ALOX15B: variants seen among roughly 807,000 people sequenced by gnomAD.
The protein encoded by ALOX15B is polyunsaturated fatty acid lipoxygenase ALOX15B.
Under a neutral mutation model 73.8 loss-of-function variants are expected in ALOX15B, and 74 were observed. The ratio of observed to expected loss-of-function variants is 1.00; its 90% CI spans 0.83 to 1.22. The LOEUF (loss-of-function observed/expected upper bound fraction) is 1.22. ALOX15B is among the 50% of genes most tolerant of loss of function. ALOX15B has a pLI of 0.00. For missense variants in ALOX15B, 896 were observed against 859.9 expected, an observed-to-expected ratio of 1.04 and a Z score of -0.52; for synonymous variants, 353 against 357.2, an observed-to-expected ratio of 0.99 and a Z score of 0.13.
At position 8,044,961 on chromosome 17, in the gene ALOX15B, C is replaced by T; in HGVS notation, c.809C>T (p.Ser270Leu). The change falls in exon 6 of 14, where the codon TCA becomes TTA. Residue 270 changes from serine to leucine, a missense_variant. Physicochemically the swap from Ser to Leu is moderately radical, Grantham distance 145. Transcript: ENST00000380183. ...CCCGTCACTGATGCCATGGTGGCCT[C>T]AGTGTTGGGTCCTGGGACCAGCTTG... ...NFPVTDAMVA[S>L]VLGPGTSLQA... The T allele has an allele frequency of 6.2e-7, 1 of 1,614,144 alleles. No individual in the cohort carries two copies. Among genetic ancestry groups the T allele is most frequent in the Non-Finnish European group, 8.5e-7 (1 of 1,180,040 alleles).
chr17:8,042,561 T>G, intron 4 of ALOX15B, 70 bp downstream of exon 4: 2 of 1,573,802 alleles, frequency 1.3e-6, no homozygotes, highest in South Asian at 2.3e-5. Flanking sequence ...TGCCCTCCCC[T>G]AGTCAGTTCC....
chr17:8,039,480 C>A lies in ALOX15B; in HGVS notation c.242C>A (p.Pro81His), dbSNP rs754978762. The change falls in exon 2 of 14, where the codon CCC becomes CAC. Residue 81 changes from proline to histidine, a missense_variant. Coordinates refer to ENST00000380183, the MANE Select transcript of ALOX15B (RefSeq NM_001141.3). ...KAPPVLPLLG[P>H]LAPDAWFCRW... Reference sequence around the variant, plus strand: ...CCCCCAGTGCTGCCCCTGCTGGGGCCCCTGGCCCCGGATGCCTGGTTCTGC... The same window carrying A: ...CCCCCAGTGCTGCCCCTGCTGGGGCACCTGGCCCCGGATGCCTGGTTCTGC... 17 of 1,591,282 alleles carry A rather than the reference C, an allele frequency of 1.1e-5. No individual in the cohort carries two copies. The highest frequency in any genetic ancestry group is 1.3e-5 in the Non-Finnish European group (15 of 1,170,758).
At chr17:8,043,374 G>T (rs1976513447) in intron 5 of ALOX15B, among the ~76,000 whole-genome samples, 2 of 152,150 alleles carry the variant, frequency 1.3e-5, no homozygotes, top group African/African-American at 2.4e-5. Context: ...AGCAGTTCGG[G>T]GAACAGTGAG....
intron 8 of ALOX15B, among the ~76,000 whole-genome samples, chr17:8,046,313 G>A (rs912425902): frequency 1.3e-5 from 2 of 152,206 alleles, no homozygotes; most frequent in African/African-American, 2.4e-5. Flanking sequence ...TCTGGTGGAC[G>A]GCTCCACATT....
rs1393988678 is a variant in ALOX15B, at chr17:8,048,537, C to T, written c.2003C>T (p.Pro668Leu). 2 of 1,613,934 alleles carry T rather than the reference C, an allele frequency of 1.2e-6. No homozygotes were observed. The highest frequency in any genetic ancestry group is 1.7e-6 in the Non-Finnish European group (2 of 1,179,878). The stretch of plus-strand genomic sequence containing the variant: ...CTGCCCTACACCTACCTAGACCCTC[C>T]CCTCATCGAGAACAGCGTCTCCATC... ...LVLPYTYLDP[P>L]LIENSVSI The change falls in exon 14 of 14, where the codon CCC becomes CTC. Residue 668 changes from proline to leucine, a missense_variant. Coordinates refer to ENST00000380183, the MANE Select transcript of ALOX15B (RefSeq NM_001141.3).
At position 8,039,359 on chromosome 17, in the gene ALOX15B, C is replaced by G. The variant is rs777996045; in HGVS notation, c.148-27C>G. 7.5e-6 allele frequency: 12 copies of G among 1,603,514 alleles called. No homozygotes were observed. In the East Asian group the frequency reaches 2.5e-4, roughly 33 times the overall value. On this transcript the variant is annotated intron_variant, in intron 1 of 13. Coordinates refer to ENST00000380183, the MANE Select transcript of ALOX15B (RefSeq NM_001141.3). ...GAAGGGGGCGAGCAGGAGGGTCCGG[C>G]CTGACGCATACTTAACCTCCCCTCA...
In ALOX15B at chr17:8,047,329, C is replaced by A. The variant is rs776991525; in HGVS notation, c.1529C>A (p.Ala510Asp). The change falls in exon 11 of 14, where the codon GCC becomes GAC. Residue 510 changes from alanine (A) to aspartate (D), a missense_variant. Ala to Asp is a moderately radical substitution (Grantham distance 126, BLOSUM62 -2). Coordinates refer to ENST00000380183, the MANE Select transcript of ALOX15B (RefSeq NM_001141.3). ...GTCCAAGATGACAGAGAGCTCCAGG[C>A]CTGGGTCAGAGAGATCTTCTCCAAG... is the stretch of plus-strand genomic sequence containing the variant. ...ESVQDDRELQ[A>D]WVREIFSKGF... The A allele has an allele frequency of 2.1e-5, 34 of 1,613,968 alleles. No homozygotes were observed. Among genetic ancestry groups the A allele is most frequent in the Admixed American group, 6.7e-5 (4 of 60,002 alleles).
intron 13 of ALOX15B, among the ~76,000 whole-genome samples, 178 bp downstream of exon 13, chr17:8,048,093 C>T (rs977869979): frequency 6.6e-6 from 1 of 152,156 alleles, no homozygotes; most frequent in African/African-American, 2.4e-5. Context: ...TGGCCAAATG[C>T]GATGATGCGG....
At chr17:8,041,948 T>G (rs1448193794) in intron 3 of ALOX15B, among the ~76,000 whole-genome samples, 1 of 152,162 alleles carries the variant, frequency 6.6e-6, no homozygotes, top group Non-Finnish European at 1.5e-5. Context: ...AGAAAAAAAG[T>G]TTGTCGGCCA....
chr17:8,046,126 C>T (rs1018272607), intron 8 of ALOX15B, among the ~76,000 whole-genome samples: 1 of 152,340 alleles, frequency 6.6e-6, no homozygotes, highest in African/African-American at 2.4e-5. Context: ...GAGGCATCTC[C>T]TCTGTGAAGG....
In ALOX15B at chr17:8,044,465, A is replaced by C. The variant is rs558016378; in HGVS notation, c.677-364A>C. Among the ~76,000 whole-genome samples the C allele has an allele frequency of 2.1e-4, 31 of 150,908 alleles. No homozygotes were observed. The East Asian group carries it at 6.0e-3, about 29-fold the overall frequency. On this transcript the variant is annotated intron_variant, in intron 5 of 13. Coordinates refer to ENST00000380183, the MANE Select transcript of ALOX15B (RefSeq NM_001141.3). ...AAGGAAAGAAAAAGAAAGGGTCCCGAGTCTCCTCTGTAGGCAACTGGGTGG... is the reference window on the plus strand; with the variant it reads ...AAGGAAAGAAAAAGAAAGGGTCCCGCGTCTCCTCTGTAGGCAACTGGGTGG...
chr17:8,047,861 C>T lies in ALOX15B; in HGVS notation c.1797C>T (p.Ala599=). 6.2e-7 allele frequency: 1 copy of T among 1,614,196 alleles called. No homozygotes were observed. The highest frequency in any genetic ancestry group is 8.5e-7 in the Non-Finnish European group (1 of 1,180,040). Residue 599 remains alanine (A), a synonymous_variant, in exon 13 of 14, where the codon GCC becomes GCT. Transcript: ENST00000380183. Reference sequence around the variant, plus strand: ...TAGCCACCCTCCCACCTGTCAATGCCACATGTGATGTCATCCTTGCTCTCT... The same window carrying T: ...TAGCCACCCTCCCACCTGTCAATGCTACATGTGATGTCATCCTTGCTCTCT... ...GFIATLPPVN[A]TCDVILALWL...
At chr17:8,042,969 C>T in intron 5 of ALOX15B, 85 bp downstream of exon 5, 1 of 1,134,912 alleles carries the variant, frequency 8.8e-7, no homozygotes, top group East Asian at 2.6e-5. Context: ...AACCAAGCAC[C>T]AATTTGCTAT....
At chr17:8,040,436 A>G (rs144062805) in intron 3 of ALOX15B, among the ~76,000 whole-genome samples, 1 of 151,370 alleles carries the variant, frequency 6.6e-6, no homozygotes. Context: ...TCTCAGCTAC[A>G]TGGGAGGCTG....
rs533126418 is a variant in ALOX15B, at chr17:8,044,833, C to T, written c.681C>T (p.His227=). ...FNFRRTPAAE[H]AFEHWQEDAF... ...CCTGTCCCCCACCCCCTGCAGAGCACGCATTTGAGCACTGGCAGGAGGACG... is the reference window on the plus strand; with the variant it reads ...CCTGTCCCCCACCCCCTGCAGAGCATGCATTTGAGCACTGGCAGGAGGACG... Residue 227 remains histidine (H), a synonymous_variant, in exon 6 of 14, where the codon CAC becomes CAT. Transcript: ENST00000380183. 12 of 1,609,740 alleles carry T rather than the reference C, an allele frequency of 7.5e-6. No homozygotes were observed. Among genetic ancestry groups the T allele is most frequent in the South Asian group, 3.3e-5 (3 of 90,976 alleles).
Position 8,048,534 on chromosome 17 carries a change from C to T in ALOX15B, c.2000C>T (p.Pro667Leu). 6.2e-7 allele frequency: 1 copy of T among 1,613,964 alleles called. No individual in the cohort carries two copies. Residue 667 changes from proline (P) to leucine (L), a missense_variant, in exon 14 of 14, where the codon CCT becomes CTT. By Grantham distance (98) the Pro-to-Leu change is moderately conservative. Coordinates refer to ENST00000380183, the MANE Select transcript of ALOX15B (RefSeq NM_001141.3). The stretch of plus-strand genomic sequence containing the variant: ...GTGCTGCCCTACACCTACCTAGACC[C>T]TCCCCTCATCGAGAACAGCGTCTCC... The part of the protein sequence containing the change: ...GLVLPYTYLD[P>L]PLIENSVSI
At position 8,042,902 on chromosome 17, in the gene ALOX15B, G is replaced by A. The variant is rs751250458; in HGVS notation, c.676+18G>A. The A allele has an allele frequency of 4.5e-5, 70 of 1,543,176 alleles. No homozygotes were observed. Among genetic ancestry groups the A allele is most frequent in the South Asian group, 2.9e-4 (24 of 83,880 alleles). On this transcript the variant is annotated intron_variant, in intron 5 of 13. Transcript: ENST00000380183. Reference sequence around the variant, plus strand: ...AGCAGCTGGTGAGGAGCTTGGGCCAGGGATCCTGACCTCTTTCCTGGGGCA... The same window carrying A: ...AGCAGCTGGTGAGGAGCTTGGGCCAAGGATCCTGACCTCTTTCCTGGGGCA...
intron 10 of ALOX15B, 85 bp from the exon 11 acceptor site, chr17:8,047,173 G>A (rs1976632900): frequency 6.2e-7 from 1 of 1,607,146 alleles, no homozygotes; most frequent in Admixed American, 1.7e-5. Context: ...TGAGGAGGAG[G>A]GCCAGACATT....
At chr17:8,040,629 A>G (rs1976427385) in intron 3 of ALOX15B, among the ~76,000 whole-genome samples, 1 of 130,348 alleles carries the variant, frequency 7.7e-6, no homozygotes, top group South Asian at 2.4e-4. Context: ...GAAAGAAAGA[A>G]AGAAAGAAAG....
Sources: allele counts gnomAD v4.1 joint callset (sites outside exome capture counted in the v4.1 genomes callset), GRCh38; gene constraint gnomAD v4.1.1; transcripts MANE v1.5; gene names NCBI Gene and HGNC (gene_info 2026-07-23, HGNC 2026-07-21).